The following SHB variants were observed in gnomAD, a reference collection of about 807,000 sequenced individuals.
The protein encoded by SHB is SH2 domain containing adaptor protein B, also known as SH2 domain-containing adapter protein B.
A neutral mutation model predicts 52.3 loss-of-function variants in SHB; 20 were observed. That is an observed-to-expected ratio of 0.38 (90% CI 0.27 to 0.56). The LOEUF (loss-of-function observed/expected upper bound fraction) is 0.56, where lower values mean the gene tolerates loss of function less well. Among genes scored for constraint, SHB ranks in the 20% least tolerant of loss-of-function variants. SHB has a pLI of 0.71. For synonymous variants in SHB, 397 were observed against 316.5 expected (o/e 1.25, Z -2.70); for missense variants, 825 against 723.3 (o/e 1.14, Z -1.61).
chr9:38,010,633 T>G (rs1479103682), intron 2 of SHB, among the ~76,000 whole-genome samples: 1 of 152,184 alleles, frequency 6.6e-6, no homozygotes, highest in African/African-American at 2.4e-5. Context: ...TTGGAAGCCC[T>G]TGTTCCCTCC....
chr9:37,955,903 G>A lies in SHB; in HGVS notation c.1206C>T (p.Ala402=), dbSNP rs778602540. The A allele has an allele frequency of 1.4e-5, 23 of 1,613,638 alleles. No individual in the cohort carries two copies. In the East Asian group the frequency reaches 2.2e-4, roughly 16 times the overall value. Residue 402 remains alanine, a synonymous_variant, in exon 4 of 6, where the codon GCC becomes GCT. Coordinates refer to ENST00000377707, the MANE Select transcript of SHB (RefSeq NM_003028.3). The part of the protein sequence containing the change: ...CGILGERVDP[A]VPLEKQIWYH... ...CTTACATTTGCTTCTCCAGGGGGAC[G>A]GCAGGATCCACCCTTTCTCCTAGGA...
rs963787315 is a variant in SHB, at chr9:38,015,509, T to C, written c.838+502A>G. On this transcript the variant is annotated intron_variant, in intron 2 of 5. Coordinates refer to ENST00000377707, the MANE Select transcript of SHB (RefSeq NM_003028.3). Reference sequence around the variant, plus strand: ...TCATGTAGACCAGGGTTATTTATGCTGCTTCCAGCTCCAAAACAAAGATTT... The same window carrying C: ...TCATGTAGACCAGGGTTATTTATGCCGCTTCCAGCTCCAAAACAAAGATTT... 6 of 699,206 alleles carry C rather than the reference T, an allele frequency of 8.6e-6. No homozygotes were observed. In the African/African-American group the frequency reaches 1.1e-4, roughly 12 times the overall value. The allele number at this position is 699,206 out of a possible 1,614,324, so 43.3% of individuals were successfully genotyped here.
chr9:37,950,479 A>G (rs1832552832), intron 4 of SHB, among the ~76,000 whole-genome samples: 1 of 152,238 alleles, frequency 6.6e-6, no homozygotes, highest in African/African-American at 2.4e-5. Context: ...CAGGGAAAGA[A>G]TAAAGATCCT....
At chr9:37,920,205 G>A (rs920816107) in intron 5 of SHB, among the ~76,000 whole-genome samples, 5 of 152,134 alleles carry the variant, frequency 3.3e-5, no homozygotes, top group South Asian at 2.1e-4. Context: ...CATCTGACCC[G>A]GAACCAGCAG....
chr9:38,068,203 G>A lies in SHB; in HGVS notation c.443C>T (p.Ala148Val). 3 of 1,397,924 alleles carry A rather than the reference G, an allele frequency of 2.1e-6. No individual in the cohort carries two copies. Among genetic ancestry groups the A allele is most frequent in the Admixed American group, 3.7e-5 (1 of 26,736 alleles). The allele number at this position is 1,397,924 out of a possible 1,614,324, so 86.6% of individuals were successfully genotyped here. ...GGAGGACGAGGACGAGGACGCGGCG[G>A]CCCCCGCGCCCGAGGAGGCGCAGCA... ...GCCCASSGAGAAASSSSSSGS... is the reference protein window; with the variant it reads ...GCCCASSGAGVAASSSSSSGS... Residue 148 changes from alanine (A) to valine (V), a missense_variant, in exon 1 of 6, where the codon GCC (alanine) becomes GTC (valine). Ala to Val is a moderately conservative substitution (Grantham distance 64, BLOSUM62 0). Coordinates refer to ENST00000377707, the MANE Select transcript of SHB (RefSeq NM_003028.3).
intron 2 of SHB, among the ~76,000 whole-genome samples, chr9:37,982,880 T>C (rs1160342657): frequency 1.3e-5 from 2 of 152,210 alleles, no homozygotes; most frequent in Non-Finnish European, 2.9e-5. Context: ...ACCTGTTCTT[T>C]ACTTCTTTAC....
rs752142144 is a variant in SHB, at chr9:37,974,689, G to A, written c.987C>T (p.Asp329=). Reference sequence around the variant, plus strand: ...GGTCGTACTCATCGGCGGGCCTGTCGTCATCCTGGGGCAGCTTGCTCTCCC... The same window carrying A: ...GGTCGTACTCATCGGCGGGCCTGTCATCATCCTGGGGCAGCTTGCTCTCCC... ...RLRESKLPQD[D]DRPADEYDQP... The change falls in exon 3 of 6, where the codon GAC becomes GAT. Residue 329 remains aspartate, a synonymous_variant. Coordinates refer to ENST00000377707, the MANE Select transcript of SHB (RefSeq NM_003028.3). 2.9e-5 allele frequency: 47 copies of A among 1,613,794 alleles called. No individual in the cohort carries two copies. Among genetic ancestry groups the A allele is most frequent in the Non-Finnish European group, 3.6e-5 (42 of 1,179,984 alleles).
At chr9:38,047,648 T>C (rs1354099260) in intron 1 of SHB, among the ~76,000 whole-genome samples, 2 of 152,244 alleles carry the variant, frequency 1.3e-5, no homozygotes, top group Non-Finnish European at 2.9e-5. Context: ...CAGGTTGCTC[T>C]TGCTTTTGGA....
chr9:38,062,432 A>AGC (rs1821907013), intron 1 of SHB, among the ~76,000 whole-genome samples: 1 of 152,056 alleles, frequency 6.6e-6, no homozygotes, highest in Admixed American at 6.5e-5. Flanking sequence ...TGGCCTTATG[A>AGC]TTTGCTTTAG....
Position 38,068,283 on chromosome 9 carries a change from T to G in SHB, c.363A>C (p.Pro121=). ...RLDYCGGSGE[P]GGVQRAFSAS... ...CCGAGAAGGCGCGCTGGACCCCGCC[T>G]GGCTCCCCGCTGCCGCCGCAGTAGT... Residue 121 remains proline (P), a synonymous_variant, in exon 1 of 6, where the codon CCA becomes CCC. Coordinates refer to ENST00000377707, the MANE Select transcript of SHB (RefSeq NM_003028.3). 6.8e-7 allele frequency: 1 copy of G among 1,476,470 alleles called. No homozygotes were observed. Among genetic ancestry groups the G allele is most frequent in the Non-Finnish European group, 8.9e-7 (1 of 1,119,878 alleles). 91.5% of individuals were successfully genotyped at this position (1,476,470 alleles called of 1,614,324 possible).
At chr9:38,063,023 C>T (rs1416079762) in intron 1 of SHB, among the ~76,000 whole-genome samples, 3 of 152,150 alleles carry the variant, frequency 2.0e-5, no homozygotes, top group Non-Finnish European at 4.4e-5. Flanking sequence ...ATTAAATGAC[C>T]GATTAAGTGG....
rs1305907809 is a variant in SHB at position 38,068,588 on chromosome 9, G to A, written c.58C>T (p.Pro20Ser). 2 of 1,492,326 alleles carry A rather than the reference G, an allele frequency of 1.3e-6. No individual in the cohort carries two copies. Among genetic ancestry groups the A allele is most frequent in the Non-Finnish European group, 1.8e-6 (2 of 1,132,928 alleles). 92.4% of individuals were successfully genotyped at this position (1,492,326 alleles called of 1,614,324 possible). A position where few individuals can be genotyped will look rare whatever the true frequency, so the allele number is the denominator to read the frequency against. ...CGGTAGTCTGGCCGCGGCGGCTGCGGGGGGCTCTTGGTCTTGCTGTTGCCC... is the reference window on the plus strand; with the variant it reads ...CGGTAGTCTGGCCGCGGCGGCTGCGAGGGGCTCTTGGTCTTGCTGTTGCCC... The part of the protein sequence containing the change: ...SLGNSKTKSP[P>S]QPPRPDYREQ... Residue 20 changes from proline to serine, a missense_variant, in exon 1 of 6, where the codon CCG becomes TCG. Transcript: ENST00000377707.
At chr9:38,057,840 AC>A (rs1821840607) in intron 1 of SHB, among the ~76,000 whole-genome samples, 1 of 152,190 alleles carries the variant, frequency 6.6e-6, no homozygotes, top group Non-Finnish European at 1.5e-5. Context: ...AATATAAGGG[AC>A]CACTTCCTAT....
At chr9:37,928,318 G>A (rs1185443558) in intron 5 of SHB, among the ~76,000 whole-genome samples, 1 of 152,220 alleles carries the variant, frequency 6.6e-6, no homozygotes, top group Non-Finnish European at 1.5e-5. Context: ...AATGACAAAA[G>A]CAGGCTTCTC....
At chr9:37,923,411 T>C (rs1832206565) in intron 5 of SHB, among the ~76,000 whole-genome samples, 1 of 152,164 alleles carries the variant, frequency 6.6e-6, no homozygotes, top group South Asian at 2.1e-4. Flanking sequence ...TTCTGATTGG[T>C]GGAGCCCCCC....
intron 1 of SHB, among the ~76,000 whole-genome samples, chr9:38,065,937 T>G (rs1928247): frequency 6.6e-6 from 1 of 152,054 alleles, no homozygotes. Context: ...GCCTCCAAGG[T>G]GCACTCCTCG....
At chr9:37,994,728 T>TC (rs1235070203) in intron 2 of SHB, among the ~76,000 whole-genome samples, 1 of 152,230 alleles carries the variant, frequency 6.6e-6, no homozygotes, top group Non-Finnish European at 1.5e-5. Context: ...CACACAACCT[T>TC]CCTTCTAGCT....
chr9:37,952,454 A>C (rs1832577239), intron 4 of SHB, among the ~76,000 whole-genome samples: 1 of 152,228 alleles, frequency 6.6e-6, no homozygotes, highest in East Asian at 1.9e-4. Flanking sequence ...AGCGGGCAGG[A>C]GGTAGGCCCA....
intron 2 of SHB, among the ~76,000 whole-genome samples, chr9:38,003,553 A>T (rs980995955): frequency 1.2e-4 from 18 of 151,960 alleles, no homozygotes; most frequent in African/African-American, 4.1e-4. Flanking sequence ...GGTGGGCTCC[A>T]CCTCCCAGCC....
Sources: gnomAD v4.1 joint callset for allele counts (sites outside exome capture counted in the v4.1 genomes callset) on GRCh38, gnomAD v4.1.1 for gene constraint, MANE v1.5 for transcripts, NCBI Gene and HGNC (gene_info 2026-07-23, HGNC 2026-07-21) for gene names.